Variants in ITPK1 observed in about 807,000 individuals in gnomAD.
The protein encoded by ITPK1 is inositol-tetrakisphosphate 1-kinase, also known as inositol 1,3,4-trisphosphate 5/6-kinase.
A neutral mutation model predicts 45.3 loss-of-function variants in ITPK1; 21 were observed. The ratio of observed to expected loss-of-function variants is 0.46; its 90% CI spans 0.33 to 0.67. The LOEUF (loss-of-function observed/expected upper bound fraction) is 0.67, where lower values mean the gene tolerates loss of function less well. Ranked by LOEUF, ITPK1 falls within the 30% of genes least tolerant of loss-of-function variation. The pLI, the probability that ITPK1 is intolerant of heterozygous loss-of-function variation, is 0.02. For missense variants in ITPK1, 474 were observed against 573.5 expected, an observed-to-expected ratio of 0.83 and a Z score of 1.77; for synonymous variants, 258 against 253.6, an observed-to-expected ratio of 1.02 and a Z score of -0.16.
Position 92,941,623 on chromosome 14 carries a change from C to T in ITPK1, c.1183G>A (p.Val395Met), listed in dbSNP as rs765232616. The T allele has an allele frequency of 9.0e-5, 139 of 1,538,144 alleles. No homozygotes were observed. The highest frequency in any genetic ancestry group is 2.3e-4 in the Middle Eastern group (1 of 4,392). Residue 395 changes from valine to methionine, a missense_variant, in exon 11 of 11, where the codon GTG becomes ATG. Transcript: ENST00000267615. Reference protein sequence around the residue: ...PHQRLGCNAGVSPSFQQHCVA... With the variant: ...PHQRLGCNAGMSPSFQQHCVA... ...CAATGCTGCTGGAAGCTGGGCGACA[C>T]GCCGGCGTTGCAGCCGAGTCTCTGG...
In ITPK1 at chr14:92,941,584, C is replaced by A; in HGVS notation, c.1222G>T (p.Ala408Ser). The A allele has an allele frequency of 6.5e-7, 1 of 1,536,376 alleles. No individual in the cohort carries two copies. The highest frequency in any genetic ancestry group is 8.7e-7 in the Non-Finnish European group (1 of 1,144,166). ...GGCTACTGGGAGGAGGCCTTGGTGG[C>A]CAGGGAGGCCACACAATGCTGCTGG... is the stretch of plus-strand genomic sequence containing the variant. Reference protein sequence around the residue: ...SFQQHCVASLATKASSQ With the variant: ...SFQQHCVASLSTKASSQ Residue 408 changes from alanine (A) to serine (S), a missense_variant, in exon 11 of 11, where the codon GCC (alanine) becomes TCC (serine). By Grantham distance (99) the Ala-to-Ser change is moderately conservative. Coordinates refer to ENST00000267615, the MANE Select transcript of ITPK1 (RefSeq NM_014216.6).
intron 10 of ITPK1, among the ~76,000 whole-genome samples, chr14:92,945,663 G>A (rs1222896606): frequency 1.3e-5 from 2 of 152,206 alleles, no homozygotes; most frequent in African/African-American, 2.4e-5. Context: ...CCTGGTGACC[G>A]CGAGCTGTGA....
chr14:93,096,917 C>T (rs1451736535), intron 2 of ITPK1, among the ~76,000 whole-genome samples: 1 of 152,242 alleles, frequency 6.6e-6, no homozygotes, highest in Non-Finnish European at 1.5e-5. Flanking sequence ...CTTGGTCAGT[C>T]ACCCACAGAG....
rs554791662 is a variant in ITPK1 at position 92,974,116 on chromosome 14, G to A, written c.365-11267C>T. Among the ~76,000 whole-genome samples the A allele has an allele frequency of 2.6e-5, 4 of 152,260 alleles. No homozygotes were observed. In the East Asian group the frequency reaches 5.8e-4, roughly 22 times the overall value. ...TCCAGGGTACATCCCTAACACCTCC[G>A]AACTGTCCCTCTCGCTTAGGATGAG... On this transcript the variant is annotated intron_variant, in intron 5 of 10. Coordinates refer to ENST00000267615, the MANE Select transcript of ITPK1 (RefSeq NM_014216.6).
intron 2 of ITPK1, among the ~76,000 whole-genome samples, chr14:93,110,624 T>C (rs116076103): frequency 0.029 from 4,395 of 152,308 alleles, 107 homozygotes; most frequent in Admixed American, 0.083. Context: ...TGAGAGCAGA[T>C]GCAGGCCTGG....
At chr14:92,976,166 T>C (rs759653501) in intron 5 of ITPK1, among the ~76,000 whole-genome samples, 12 of 152,304 alleles carry the variant, frequency 7.9e-5, no homozygotes, top group Middle Eastern at 3.4e-3. Flanking sequence ...TAATACAGAC[T>C]ATAACTTACA....
chr14:93,113,502 A>G (rs1892826803), intron 2 of ITPK1, among the ~76,000 whole-genome samples: 1 of 152,222 alleles, frequency 6.6e-6, no homozygotes, highest in African/African-American at 2.4e-5. Flanking sequence ...CAAGTCTTAC[A>G]TGACTGCAGG....
intron 3 of ITPK1, among the ~76,000 whole-genome samples, chr14:93,048,481 C>T (rs1304597330): frequency 1.3e-5 from 2 of 152,162 alleles, no homozygotes; most frequent in Non-Finnish European, 2.9e-5. Context: ...AGCAAGAACC[C>T]ATACTCCTTT....
intron 5 of ITPK1, among the ~76,000 whole-genome samples, chr14:92,992,300 T>G (rs11625123): frequency 0.51 from 76,962 of 152,062 alleles, 20,383 homozygotes; most frequent in East Asian, 0.76. Context: ...TCCCAAATTT[T>G]ACCAAACCTT....
intron 5 of ITPK1, among the ~76,000 whole-genome samples, chr14:92,971,778 C>T (rs1885665816): frequency 6.6e-6 from 1 of 152,212 alleles, no homozygotes; most frequent in Non-Finnish European, 1.5e-5. Context: ...TGATGCCGCC[C>T]ACCTCCCGGG....
chr14:92,976,751 G>A (rs1297825492), intron 5 of ITPK1, among the ~76,000 whole-genome samples: 1 of 151,932 alleles, frequency 6.6e-6, no homozygotes, highest in East Asian at 1.9e-4. Flanking sequence ...CATGTGAGAA[G>A]CAGAGGCCCT....
chr14:92,941,551 G>T lies in ITPK1; in HGVS notation c.*10C>A. 1 of 1,522,954 alleles carries T rather than the reference G, an allele frequency of 6.6e-7. No homozygotes were observed. The allele number at this position is 1,522,954 out of a possible 1,614,324, so 94.3% of individuals were successfully genotyped here. On this transcript the variant is annotated 3_prime_UTR_variant, in exon 11 of 11. Coordinates refer to ENST00000267615, the MANE Select transcript of ITPK1 (RefSeq NM_014216.6). The stretch of plus-strand genomic sequence containing the variant: ...GCCCTGCGCTGCCCCTCTGGGTCCC[G>T]GCTCCGTGGCTACTGGGAGGAGGCC...
chr14:93,005,008 A>G (rs1887543096), intron 4 of ITPK1, among the ~76,000 whole-genome samples: 1 of 152,050 alleles, frequency 6.6e-6, no homozygotes, highest in Non-Finnish European at 1.5e-5. Flanking sequence ...CAAGGTAGAG[A>G]GCAGGAGACG....
chr14:93,007,274 T>C lies in ITPK1; in HGVS notation c.246+9402A>G, dbSNP rs12100557. ...TGGGCCTATGCAGCTGCCCCTCCCCTGTATACAATAATACACAGAAGAGCA... is the reference window on the plus strand; with the variant it reads ...TGGGCCTATGCAGCTGCCCCTCCCCCGTATACAATAATACACAGAAGAGCA... On this transcript the variant is annotated intron_variant, in intron 4 of 10. Coordinates refer to ENST00000267615, the MANE Select transcript of ITPK1 (RefSeq NM_014216.6). Among the ~76,000 whole-genome samples the C allele has an allele frequency of 7.4e-3, 1,122 of 152,252 alleles. 17 individuals carry two copies. Among genetic ancestry groups the C allele is most frequent in the African/African-American group, 0.026 (1,062 of 41,542 alleles).
At chr14:93,080,853 C>T (rs185587943) in intron 2 of ITPK1, among the ~76,000 whole-genome samples, 126 of 152,136 alleles carry the variant, frequency 8.3e-4, no homozygotes, top group Middle Eastern at 3.4e-3. Flanking sequence ...TCTCCTGCTT[C>T]GGCCTCCCGA....
Position 92,940,123 on chromosome 14 carries a change from G to C in ITPK1, c.*1438C>G. The C allele has an allele frequency of 1.0e-6, 1 of 985,800 alleles. No individual in the cohort carries two copies. Among genetic ancestry groups the C allele is most frequent in the Non-Finnish European group, 1.2e-6 (1 of 830,026 alleles). The allele number at this position is 985,800 out of a possible 1,614,324, so 61.1% of individuals were successfully genotyped here. A position where few individuals can be genotyped will look rare whatever the true frequency, so the allele number is the denominator to read the frequency against. On this transcript the variant is annotated 3_prime_UTR_variant, in exon 11 of 11. Transcript: ENST00000267615. Reference sequence around the variant, plus strand: ...AGTGGGCATCCTGCAGCCCAGCTGAGCCAGGCCGAAGGACCTCCATGCACT... The same window carrying C: ...AGTGGGCATCCTGCAGCCCAGCTGACCCAGGCCGAAGGACCTCCATGCACT...
chr14:92,941,238 T>C lies in ITPK1; in HGVS notation c.*323A>G, dbSNP rs45503595. The C allele has an allele frequency of 0.062, 81,619 of 1,326,338 alleles. 2,829 individuals carry two copies. The highest frequency in any genetic ancestry group is 0.12 in the Admixed American group (3,549 of 28,530). 82.2% of individuals were successfully genotyped at this position (1,326,338 alleles called of 1,614,324 possible). A position where few individuals can be genotyped will look rare whatever the true frequency, so the allele number is the denominator to read the frequency against. Reference sequence around the variant, plus strand: ...AACAGACAGGGATGTGCACAGACACTGGCATGGCAGCCATACGCACACCCC... The same window carrying C: ...AACAGACAGGGATGTGCACAGACACCGGCATGGCAGCCATACGCACACCCC... On this transcript the variant is annotated 3_prime_UTR_variant, in exon 11 of 11. Transcript: ENST00000267615.
At chr14:92,944,347 C>T (rs1306396453) in intron 10 of ITPK1, among the ~76,000 whole-genome samples, 1 of 152,100 alleles carries the variant, frequency 6.6e-6, no homozygotes, top group Admixed American at 6.5e-5. Context: ...TCCTCAGTAC[C>T]AGGCTCCCTC....
chr14:93,093,282 G>A (rs1267098528), intron 2 of ITPK1, among the ~76,000 whole-genome samples: 2 of 152,232 alleles, frequency 1.3e-5, no homozygotes, highest in South Asian at 2.1e-4. Context: ...GATGGGGTGT[G>A]CAGGCTGCCC....
Sources: gnomAD v4.1 joint callset for allele counts (sites outside exome capture counted in the v4.1 genomes callset) on GRCh38, gnomAD v4.1.1 for gene constraint, MANE v1.5 for transcripts, NCBI Gene and HGNC (gene_info 2026-07-23, HGNC 2026-07-21) for gene names.